ELFN2: variants seen among roughly 807,000 people sequenced by gnomAD.
The protein encoded by ELFN2 is protein phosphatase 1 regulatory subunit 29.
In ELFN2, 17 loss-of-function variants were observed where a neutral mutation model predicts 45.5. The observed-to-expected ratio is 0.37, with a 90% CI of 0.26 to 0.56. The LOEUF (loss-of-function observed/expected upper bound fraction) is 0.56, where lower values mean the gene tolerates loss of function less well. ELFN2 is among the 20% of genes least tolerant of loss of function. ELFN2 has a pLI of 0.77. For missense variants in ELFN2, 922 were observed against 1,183.2 expected (o/e 0.78, Z 3.24); for synonymous variants, 550 against 551.5 (o/e 1.00, Z 0.04).
At position 37,373,592 on chromosome 22, in the gene ELFN2, G is replaced by A; in HGVS notation, c.1943C>T (p.Pro648Leu). The A allele has an allele frequency of 6.2e-7, 1 of 1,607,092 alleles. No homozygotes were observed. Among genetic ancestry groups the A allele is most frequent in the East Asian group, 2.2e-5 (1 of 44,680 alleles). Residue 648 changes from proline to leucine, a missense_variant, in exon 3 of 3, where the codon CCC (proline) becomes CTC (leucine). By Grantham distance (98) the Pro-to-Leu change is moderately conservative. This residue lies in a region of ELFN2 where 564 missense variants were observed against 642.8 expected (regional missense o/e 0.88). Transcript: ENST00000402918. ...KSAKVFSLDV[P>L]DHPAATGLAK... ...CAGCCCTGTGGCGGCCGGATGGTCG[G>A]GCACGTCCAGGCTAAAGACCTTGGC...
intron 2 of ELFN2, among the ~76,000 whole-genome samples, chr22:37,385,608 C>A (rs1350303817): frequency 1.3e-5 from 2 of 152,240 alleles, no homozygotes; most frequent in South Asian, 4.1e-4. Context: ...CTGACCCCTG[C>A]ACACTGGAGT....
At chr22:37,355,908 G>A (rs908621182) in intron 1 of ELFN2, among the ~76,000 whole-genome samples, 2 of 152,208 alleles carry the variant, frequency 1.3e-5, no homozygotes, top group African/African-American at 2.4e-5. Context: ...AGTGTTCAGC[G>A]TCTTTTGTTT....
intron 2 of ELFN2, among the ~76,000 whole-genome samples, chr22:37,395,445 C>T (rs1932191024): frequency 6.6e-6 from 1 of 152,208 alleles, no homozygotes; most frequent in Non-Finnish European, 1.5e-5. Flanking sequence ...AGGCCCAGAG[C>T]AGTGAAGCCA....
At chr22:37,396,582 G>A (rs2145665728) in intron 2 of ELFN2, among the ~76,000 whole-genome samples, 1 of 152,286 alleles carries the variant, frequency 6.6e-6, no homozygotes, top group Admixed American at 6.5e-5. Flanking sequence ...AGCAGGTGAG[G>A]AAACTGAACC....
intron 1 of ELFN2, among the ~76,000 whole-genome samples, chr22:37,344,658 C>G (rs981800964): frequency 6.6e-6 from 1 of 152,188 alleles, no homozygotes; most frequent in Non-Finnish European, 1.5e-5. Context: ...TCTCTACCCC[C>G]CTTCCACAAG....
intron 2 of ELFN2, among the ~76,000 whole-genome samples, chr22:37,406,093 G>A (rs1011637136): frequency 2.6e-5 from 4 of 152,090 alleles, no homozygotes; most frequent in Admixed American, 6.5e-5. Flanking sequence ...AATGAGCCAC[G>A]ATTGCACCAC....
At chr22:37,402,556 G>A (rs754029559) in intron 2 of ELFN2, among the ~76,000 whole-genome samples, 4 of 152,192 alleles carry the variant, frequency 2.6e-5, no homozygotes, top group Admixed American at 6.5e-5. Context: ...TAAGGAAACC[G>A]AGGCTCATGA....
intron 1 of ELFN2, among the ~76,000 whole-genome samples, chr22:37,344,695 G>A (rs1240468313): frequency 2.0e-5 from 3 of 152,170 alleles, no homozygotes; most frequent in Non-Finnish European, 2.9e-5. Flanking sequence ...GCCCTCAGGG[G>A]AAGCCTGATC....
In ELFN2 at chr22:37,374,074, C is replaced by A; in HGVS notation, c.1461G>T (p.Leu487Phe). ...CCTTGGGTGTGTCCAGCCCGGCCTC[C>A]AACCCCTTGGCGGTGGGCAGCTTCT... ...IGEKLPTAKG[L>F]EAGLDTPKVA... The change falls in exon 3 of 3, where the codon TTG becomes TTT. Residue 487 changes from leucine to phenylalanine, a missense_variant. Transcript: ENST00000402918. 1 of 1,613,256 alleles carries A rather than the reference C, an allele frequency of 6.2e-7. No individual in the cohort carries two copies. Among genetic ancestry groups the A allele is most frequent in the African/African-American group, 1.3e-5 (1 of 75,074 alleles).
intron 2 of ELFN2, among the ~76,000 whole-genome samples, chr22:37,381,827 G>T (rs1379513322): frequency 1.3e-5 from 2 of 151,854 alleles, no homozygotes; most frequent in Non-Finnish European, 2.9e-5. Flanking sequence ...CCCTGACTCG[G>T]CTGAGTCAGT....
chr22:37,350,401 C>T (rs1055689326), intron 1 of ELFN2, among the ~76,000 whole-genome samples: 1 of 150,526 alleles, frequency 6.6e-6, no homozygotes, highest in East Asian at 1.9e-4. Context: ...CACTGTCGGG[C>T]GGCTGCAGGG....
At chr22:37,378,093 C>A (rs1408531782) in intron 2 of ELFN2, among the ~76,000 whole-genome samples, 3 of 152,228 alleles carry the variant, frequency 2.0e-5, no homozygotes, top group Admixed American at 1.3e-4. Flanking sequence ...CAGGTGCACA[C>A]ACAGGTGGCT....
At chr22:37,357,393 T>C (rs1189641858) in intron 1 of ELFN2, among the ~76,000 whole-genome samples, 2 of 152,238 alleles carry the variant, frequency 1.3e-5, no homozygotes, top group Non-Finnish European at 2.9e-5. Flanking sequence ...GAACAGCTTG[T>C]GATCTCTGCC....
rs145219811 is a variant in ELFN2 at position 37,374,173 on chromosome 22, G to A, written c.1362C>T (p.His454=). ...GADVDAGSIV[H]AAQKLGEPPV... ...GAGGCTCGCCCAGCTTCTGGGCGGC[G>A]TGCACAATGGAGCCGGCATCCACAT... Residue 454 remains histidine, a synonymous_variant, in exon 3 of 3, where the codon CAC becomes CAT. Coordinates refer to ENST00000402918, the MANE Select transcript of ELFN2 (RefSeq NM_052906.5). 78 of 1,613,138 alleles carry A rather than the reference G, an allele frequency of 4.8e-5. 1 individual carries two copies. Among genetic ancestry groups the A allele is most frequent in the South Asian group, 2.9e-4 (26 of 91,090 alleles).
At chr22:37,344,752 A>C (rs563424152) in intron 1 of ELFN2, among the ~76,000 whole-genome samples, 2 of 151,786 alleles carry the variant, frequency 1.3e-5, no homozygotes, top group South Asian at 2.1e-4. Context: ...ACCTCTGCAA[A>C]CTCCTTCTCC....
Position 37,348,354 on chromosome 22 carries a change from G to A in ELFN2, n.149-5651C>T, listed in dbSNP as rs5756637. Among the ~76,000 whole-genome samples, 125 of 137,686 alleles carry A rather than the reference G, an allele frequency of 9.1e-4. 2 individuals carry two copies. In the East Asian group the frequency reaches 0.024, roughly 26 times the overall value. The allele number at this position is 137,686 out of a possible 152,430, so 90.3% of individuals were successfully genotyped here. ...CAGAAGTCTTAGCAAGGGGCTTCCA[G>A]GCTCAGTGGAGACAGGCGTGGCTGT... On this transcript the variant is annotated intron_variant and non_coding_transcript_variant, in intron 1 of 2. Transcript: ENST00000452946.
intron 2 of ELFN2, among the ~76,000 whole-genome samples, chr22:37,384,450 T>TCCTCGCCTGGATCCCA: frequency 6.7e-6 from 1 of 149,618 alleles, no homozygotes; most frequent in South Asian, 2.1e-4. Context: ...CCTTTACCTC[T>TCCTCGCCTGGATCCCA]CCTCCCCTGG....
rs141712802 is a variant in ELFN2 at position 37,383,362 on chromosome 22, G to A, written c.-462-7366C>T. Among the ~76,000 whole-genome samples the A allele has an allele frequency of 8.3e-3, 1,271 of 152,328 alleles. 18 individuals are homozygous for A. Among genetic ancestry groups the A allele is most frequent in the African/African-American group, 0.028 (1,172 of 41,554 alleles). On this transcript the variant is annotated intron_variant, in intron 2 of 2. Transcript: ENST00000402918. ...CCCTGGTGCCCTCACAAGGTCCACG[G>A]GCAGCTCTGGGCAGTATCTGTTTAG...
At position 37,362,098 on chromosome 22, in the gene ELFN2, A is replaced by G. The variant is rs111469550; in HGVS notation, n.149-19395T>C. 9.3e-3 allele frequency among the ~76,000 whole-genome samples: 1,419 copies of G among 152,296 alleles called. 21 individuals are homozygous for G. The highest frequency in any genetic ancestry group is 0.032 in the African/African-American group (1,317 of 41,574). On this transcript the variant is annotated intron_variant and non_coding_transcript_variant, in intron 1 of 2. Coordinates refer to ENST00000452946, the Ensembl canonical transcript of ELFN2. ...ATGTCCGGGGCCAACTGGACAGTCA[A>G]TCCTGGCATCCCAGGTGCTTGGAGC...
Sources: gnomAD v4.1 joint callset for allele counts (sites outside exome capture counted in the v4.1 genomes callset) on GRCh38, gnomAD v4.1.1 for gene constraint, gnomAD v4.1.1 regional missense constraint, MANE v1.5 for transcripts, NCBI Gene and HGNC (gene_info 2026-07-23, HGNC 2026-07-21) for gene names.